The following SH3BGRL2 variants were observed in gnomAD, a reference collection of about 807,000 sequenced individuals.
SH3BGRL2 encodes SH3 domain-binding glutamic acid-rich-like protein 2.
A neutral mutation model predicts 14.8 loss-of-function variants in SH3BGRL2; 21 were observed. The observed-to-expected ratio is 1.42, with a 90% CI of 1.01 to 2.05. SH3BGRL2 has a LOEUF of 2.05. SH3BGRL2 is among the 30% of genes most tolerant of loss of function. SH3BGRL2 has a pLI of 0.00. For missense variants in SH3BGRL2, 147 were observed against 130.8 expected (o/e 1.12, Z -0.61); for synonymous variants, 50 against 47.8 (o/e 1.05, Z -0.19).
intron 1 of SH3BGRL2, among the ~76,000 whole-genome samples, chr6:79,648,471 G>A (rs1769193016): frequency 2.6e-5 from 4 of 151,068 alleles, no homozygotes. Flanking sequence ...TTCAAAGCCA[G>A]TGGCATTGCT....
chr6:79,547,628 G>A, the SH3BGRL2 span, among the ~76,000 whole-genome samples: 2 of 152,118 alleles, frequency 1.3e-5, no homozygotes, highest in South Asian at 4.1e-4. Flanking sequence ...CTACTGTGTG[G>A]CGGAAGGAAA....
chr6:79,627,936 T>A (rs1332305088), upstream of SH3BGRL2, among the ~76,000 whole-genome samples: 1 of 152,060 alleles, frequency 6.6e-6, no homozygotes, highest in Non-Finnish European at 1.5e-5. Context: ...AGAAAAAAAA[T>A]CACATCTTTA....
At chr6:79,634,200 T>C (rs546920982) in intron 1 of SH3BGRL2, among the ~76,000 whole-genome samples, 1 of 152,230 alleles carries the variant, frequency 6.6e-6, no homozygotes. Flanking sequence ...TTCTTCTGAT[T>C]CCCCTAAGCT....
Position 79,631,425 on chromosome 6 carries a change from CGG to C in SH3BGRL2, c.-32_-31del. The C allele has an allele frequency of 6.6e-7, 1 of 1,505,274 alleles. No homozygotes were observed. Among genetic ancestry groups the C allele is most frequent in the Non-Finnish European group, 8.9e-7 (1 of 1,126,036 alleles). The allele number at this position is 1,505,274 out of a possible 1,614,324, so 93.2% of individuals were successfully genotyped here. Reference sequence around the variant, plus strand: ...TCTGCGTCCACGCCAGCCCGGAGCCCGGGGGGCAAGGGGTCTGTCCCGGGCGC... The same window carrying C: ...TCTGCGTCCACGCCAGCCCGGAGCCCGGGGCAAGGGGTCTGTCCCGGGCGC... On this transcript the variant is annotated 5_prime_UTR_variant, in exon 1 of 4. Coordinates refer to ENST00000369838, the MANE Select transcript of SH3BGRL2 (RefSeq NM_031469.4).
At chr6:79,614,618 G>A in the SH3BGRL2 span, among the ~76,000 whole-genome samples, 1 of 152,234 alleles carries the variant, frequency 6.6e-6, no homozygotes, top group East Asian at 1.9e-4. Context: ...CCCCGATGTG[G>A]TGCTGCCACA....
chr6:79,601,608 A>T, the SH3BGRL2 span, among the ~76,000 whole-genome samples: 2 of 152,238 alleles, frequency 1.3e-5, no homozygotes, highest in Admixed American at 6.5e-5. Context: ...CATTTAGTTG[A>T]TAAATGTGAT....
chr6:79,635,491 G>A (rs958429330), intron 1 of SH3BGRL2, among the ~76,000 whole-genome samples: 1 of 152,244 alleles, frequency 6.6e-6, no homozygotes, highest in Non-Finnish European at 1.5e-5. Context: ...ATTAGGTGAT[G>A]TAAGGTGCTA....
rs186285630 is a variant in SH3BGRL2 at position 79,666,752 on chromosome 6, G to C, written c.46-6862G>C. On this transcript the variant is annotated intron_variant, in intron 1 of 3. Coordinates refer to ENST00000369838, the MANE Select transcript of SH3BGRL2 (RefSeq NM_031469.4). ...CTTTTCCCTTCTATTTTCTCTCACT[G>C]TCTGACTTTTTTCTATTTGAGATAC... 1.0e-3 allele frequency among the ~76,000 whole-genome samples: 158 copies of C among 152,194 alleles called. 3 individuals carry two copies. The South Asian group carries it at 0.03, about 29-fold the overall frequency.
intron 1 of SH3BGRL2, among the ~76,000 whole-genome samples, chr6:79,639,895 CA>C (rs1464036752): frequency 2.0e-5 from 3 of 151,842 alleles, no homozygotes; most frequent in Admixed American, 1.3e-4. Context: ...ATCCGTGATG[CA>C]AAAAAAGAGG....
intron 1 of SH3BGRL2, among the ~76,000 whole-genome samples, chr6:79,635,420 G>T (rs1434450740): frequency 6.6e-6 from 1 of 152,188 alleles, no homozygotes; most frequent in East Asian, 1.9e-4. Context: ...ATTCATTCTT[G>T]CATTGAATGA....
the SH3BGRL2 span, among the ~76,000 whole-genome samples, chr6:79,561,822 A>G: frequency 1.3e-5 from 2 of 152,324 alleles, no homozygotes; most frequent in South Asian, 2.1e-4. Context: ...AGCTGAGCCA[A>G]TCATGTTCTG....
At chr6:79,682,479 G>A (rs1464813165) in intron 2 of SH3BGRL2, among the ~76,000 whole-genome samples, 2 of 152,156 alleles carry the variant, frequency 1.3e-5, no homozygotes, top group Non-Finnish European at 2.9e-5. Context: ...AACTGCAACT[G>A]CATACACTTA....
chr6:79,697,984 T>A (rs1284836956), intron 3 of SH3BGRL2, among the ~76,000 whole-genome samples: 1 of 152,252 alleles, frequency 6.6e-6, no homozygotes, highest in Non-Finnish European at 1.5e-5. Context: ...CACCAGTTTC[T>A]CAGGAAATCT....
the SH3BGRL2 span, among the ~76,000 whole-genome samples, chr6:79,622,586 G>GTT: frequency 6.6e-6 from 1 of 152,034 alleles, no homozygotes; most frequent in African/African-American, 2.4e-5. Flanking sequence ...AGCTAAAAGT[G>GTT]TTTCACCCCA....
chr6:79,563,953 T>G, the SH3BGRL2 span, among the ~76,000 whole-genome samples: 2 of 152,162 alleles, frequency 1.3e-5, no homozygotes, highest in African/African-American at 4.8e-5. Flanking sequence ...ATGCTGAAGC[T>G]GGAAAAGCTG....
the SH3BGRL2 span, among the ~76,000 whole-genome samples, chr6:79,573,486 C>A: frequency 6.6e-6 from 1 of 152,118 alleles, no homozygotes; most frequent in African/African-American, 2.4e-5. Context: ...TATGTTCTCT[C>A]ATTTCTTTGG....
In SH3BGRL2 at chr6:79,669,059, A is replaced by G. The variant is rs1309656891; in HGVS notation, c.46-4555A>G. Among the ~76,000 whole-genome samples, 3 of 152,122 alleles carry G rather than the reference A, an allele frequency of 2.0e-5. No individual in the cohort carries two copies. The East Asian group carries it at 5.8e-4, about 29-fold the overall frequency. On this transcript the variant is annotated intron_variant, in intron 1 of 3. Transcript: ENST00000369838. Reference sequence around the variant, plus strand: ...CACTTAGTTTGAATAGTTTCTCTTGAACATCACCTGGAAATCTTTGATGTT... The same window carrying G: ...CACTTAGTTTGAATAGTTTCTCTTGGACATCACCTGGAAATCTTTGATGTT...
upstream of SH3BGRL2, among the ~76,000 whole-genome samples, chr6:79,629,788 A>G (rs1768789863): frequency 6.6e-6 from 1 of 152,040 alleles, no homozygotes; most frequent in Non-Finnish European, 1.5e-5. Flanking sequence ...TTTCTTTCCT[A>G]GACAATAGGT....
chr6:79,694,626 A>G (rs1437111528), intron 2 of SH3BGRL2, among the ~76,000 whole-genome samples: 4 of 152,198 alleles, frequency 2.6e-5, no homozygotes, highest in South Asian at 2.1e-4. Context: ...AATGTTTCAT[A>G]TAGTTTCTCA....
Sources: gnomAD v4.1 joint callset for allele counts (sites outside exome capture counted in the v4.1 genomes callset) on GRCh38, gnomAD v4.1.1 for gene constraint, MANE v1.5 for transcripts, NCBI Gene and HGNC (gene_info 2026-07-23, HGNC 2026-07-21) for gene names.